Variants in ZDHHC11B observed in about 807,000 individuals in gnomAD.
The protein encoded by ZDHHC11B is probable palmitoyltransferase ZDHHC11B.
A neutral mutation model predicts 42.3 loss-of-function variants in ZDHHC11B; 17 were observed. That is an observed-to-expected ratio of 0.40 (90% CI 0.27 to 0.60). ZDHHC11B has a LOEUF of 0.60. Among genes scored for constraint, ZDHHC11B ranks in the 20% least tolerant of loss-of-function variants. ZDHHC11B has a pLI of 0.41. For missense variants in ZDHHC11B, 262 were observed against 463.2 expected, an observed-to-expected ratio of 0.57 and a Z score of 3.99; for synonymous variants, 123 against 193.5, an observed-to-expected ratio of 0.64 and a Z score of 3.02.
At chr5:726,100 C>G (rs73730926) in intron 12 of ZDHHC11B, among the ~76,000 whole-genome samples, 5,145 of 147,796 alleles carry the variant, frequency 0.035, 26 homozygotes, top group African/African-American at 0.12. Context: ...ACCAGAATAT[C>G]CCCCATCGGT....
chr5:744,725 G>C (rs1036693953), intron 9 of ZDHHC11B, among the ~76,000 whole-genome samples: 3 of 148,212 alleles, frequency 2.0e-5, no homozygotes, highest in African/African-American at 7.5e-5. Flanking sequence ...ACAAAAATTA[G>C]TGGGGCGTAG....
rs112669800 is a variant in ZDHHC11B, at chr5:762,396, C to T, written c.222+4302G>A. On this transcript the variant is annotated intron_variant, in intron 4 of 13. Coordinates refer to ENST00000508859, the MANE Select transcript of ZDHHC11B (RefSeq NM_001351303.2). Reference sequence around the variant, plus strand: ...GAGTGTATGCCACAGTCAGCACCCACGTCTCTCACTAAAGCACATCCTTGG... The same window carrying T: ...GAGTGTATGCCACAGTCAGCACCCATGTCTCTCACTAAAGCACATCCTTGG... Among the ~76,000 whole-genome samples, 740 of 151,856 alleles carry T rather than the reference C, an allele frequency of 4.9e-3. 23 individuals carry two copies. The highest frequency in any genetic ancestry group is 0.017 in the African/African-American group (697 of 41,328).
intron 12 of ZDHHC11B, among the ~76,000 whole-genome samples, chr5:719,493 A>G (rs1324810739): frequency 6.6e-6 from 1 of 151,458 alleles, no homozygotes; most frequent in African/African-American, 2.4e-5. Context: ...TTTTTTAAAA[A>G]CCAAAAAGAA....
At chr5:784,326 A>G (rs1397354905) in intron 1 of ZDHHC11B, among the ~76,000 whole-genome samples, 3 of 151,920 alleles carry the variant, frequency 2.0e-5, no homozygotes, top group African/African-American at 7.3e-5. Flanking sequence ...GTCTGGAGGG[A>G]AGGGCTGCAG....
intron 12 of ZDHHC11B, among the ~76,000 whole-genome samples, chr5:723,199 A>T (rs1229447026): frequency 6.7e-6 from 1 of 148,524 alleles, no homozygotes; most frequent in Non-Finnish European, 1.5e-5. Context: ...CAGATCAAGG[A>T]TGAATCTGTT....
In ZDHHC11B at chr5:770,141, G is replaced by T. The variant is rs1351016089; in HGVS notation, c.-229-1211C>A. On this transcript the variant is annotated intron_variant, in intron 1 of 13. Transcript: ENST00000508859. ...TGCTATGGAGGAAGGAGAGGAGAAA[G>T]GTGTCACCCGGGCCATGTCCCAGCT... Among the ~76,000 whole-genome samples, 3 of 150,910 alleles carry T rather than the reference G, an allele frequency of 2.0e-5. 1 individual carries two copies. The highest frequency in any genetic ancestry group is 4.4e-5 in the Non-Finnish European group (3 of 67,458).
chr5:737,397 A>G (rs1285180533), intron 10 of ZDHHC11B, among the ~76,000 whole-genome samples: 3 of 149,544 alleles, frequency 2.0e-5, no homozygotes, highest in Non-Finnish European at 4.4e-5. Context: ...ACTGGTACCT[A>G]TCTTATGGAA....
rs1431383078 is a variant in ZDHHC11B, at chr5:745,552, C to CG, written c.785-255_785-254insC. 1.3e-4 allele frequency among the ~76,000 whole-genome samples: 20 copies of CG among 149,974 alleles called. 1 individual carries two copies. Among genetic ancestry groups the CG allele is most frequent in the African/African-American group, 4.6e-4 (19 of 40,906 alleles). ...GGGGAACGGTGCTGACTCAGGCCCCCCCGCCTGCCAAGGCCTCATTGAGCT... is the reference window on the plus strand; with the variant it reads ...GGGGAACGGTGCTGACTCAGGCCCCCGCCGCCTGCCAAGGCCTCATTGAGCT... On this transcript the variant is annotated intron_variant, in intron 8 of 13. Transcript: ENST00000508859.
chr5:732,614 A>C lies in ZDHHC11B; in HGVS notation c.1023+1138T>G, dbSNP rs1159022332. 2 of 448,926 alleles carry C rather than the reference A, an allele frequency of 4.5e-6. 1 individual carries two copies. Among genetic ancestry groups the C allele is most frequent in the African/African-American group, 4.0e-5 (2 of 49,506 alleles). 27.8% of individuals were successfully genotyped at this position (448,926 alleles called of 1,614,324 possible). A position where few individuals can be genotyped will look rare whatever the true frequency, so the allele number is the denominator to read the frequency against. On this transcript the variant is annotated intron_variant, in intron 11 of 13. Coordinates refer to ENST00000508859, the MANE Select transcript of ZDHHC11B (RefSeq NM_001351303.2). ...GTTGGGTGATCCATTTTCATTTCCA[A>C]GTCACAGGAGCCTGTTCCCTGAAAT...
chr5:743,933 A>G lies in ZDHHC11B; in HGVS notation c.900+1250T>C, dbSNP rs557106343. 4.7e-3 allele frequency among the ~76,000 whole-genome samples: 701 copies of G among 149,574 alleles called. 12 individuals carry two copies. The highest frequency in any genetic ancestry group is 0.016 in the African/African-American group (655 of 40,498). Reference sequence around the variant, plus strand: ...GAAGTGGTGTCATCACCTGTGCCGAACCTCCAAGAGAGGGTCACCAGCCTT... The same window carrying G: ...GAAGTGGTGTCATCACCTGTGCCGAGCCTCCAAGAGAGGGTCACCAGCCTT... On this transcript the variant is annotated intron_variant, in intron 9 of 13. Coordinates refer to ENST00000508859, the MANE Select transcript of ZDHHC11B (RefSeq NM_001351303.2).
intron 1 of ZDHHC11B, among the ~76,000 whole-genome samples, chr5:772,652 C>T (rs1338236526): frequency 6.6e-6 from 1 of 151,732 alleles, no homozygotes. Context: ...AGTGAGTCCA[C>T]GGGCGCTTGG....
At chr5:765,258 C>G (rs185788533) in intron 4 of ZDHHC11B, among the ~76,000 whole-genome samples, 1 of 151,434 alleles carries the variant, frequency 6.6e-6, no homozygotes, top group African/African-American at 2.4e-5. Context: ...ATGTCTAGCT[C>G]GAGGTTTGTA....
intron 12 of ZDHHC11B, among the ~76,000 whole-genome samples, chr5:722,304 A>G (rs1020490226): frequency 5.9e-5 from 9 of 151,798 alleles, no homozygotes; most frequent in Non-Finnish European, 1.2e-4. Context: ...TAATTCACCC[A>G]ACTGACAAAA....
chr5:736,513 T>C (rs1743537028), intron 10 of ZDHHC11B, among the ~76,000 whole-genome samples: 1 of 149,520 alleles, frequency 6.7e-6, no homozygotes, highest in Non-Finnish European at 1.5e-5. Context: ...AGCTGCAGAA[T>C]GTACATTCTT....
At chr5:746,389 G>A (rs2335618) in intron 8 of ZDHHC11B, among the ~76,000 whole-genome samples, 10,998 of 142,084 alleles carry the variant, frequency 0.077, 349 homozygotes, top group African/African-American at 0.21. Context: ...TGGACATCCC[G>A]GAGTCACTGC....
At chr5:775,842 T>C (rs1403910798) in intron 1 of ZDHHC11B, among the ~76,000 whole-genome samples, 14 of 150,998 alleles carry the variant, frequency 9.3e-5, no homozygotes, top group African/African-American at 3.2e-4. Context: ...CACGCTGTGT[T>C]GCAAGCTGAC....
Position 730,414 on chromosome 5 carries a change from C to T in ZDHHC11B, c.1058+20G>A, listed in dbSNP as rs929016911. ...AGTGTACAGACAGATAAAACGTTCC[C>T]ATTAAACTTACGAACTTACCCAAGT... is the stretch of plus-strand genomic sequence containing the variant. On this transcript the variant is annotated intron_variant, in intron 12 of 13. Coordinates refer to ENST00000508859, the MANE Select transcript of ZDHHC11B (RefSeq NM_001351303.2). The T allele has an allele frequency of 1.9e-6, 3 of 1,576,566 alleles. No individual in the cohort carries two copies. Among genetic ancestry groups the T allele is most frequent in the Non-Finnish European group, 2.6e-6 (3 of 1,167,700 alleles).
chr5:746,129 C>T lies in ZDHHC11B; in HGVS notation c.785-831G>A, dbSNP rs1579321891. Reference sequence around the variant, plus strand: ...ACAAACGTTAATAAAATGGGCTCTGCACCTATTTCAGCCACGAGCTTCCAT... The same window carrying T: ...ACAAACGTTAATAAAATGGGCTCTGTACCTATTTCAGCCACGAGCTTCCAT... On this transcript the variant is annotated intron_variant, in intron 8 of 13. Coordinates refer to ENST00000508859, the MANE Select transcript of ZDHHC11B (RefSeq NM_001351303.2). Among the ~76,000 whole-genome samples the T allele has an allele frequency of 1.3e-5, 2 of 148,708 alleles. 1 individual carries two copies. The highest frequency in any genetic ancestry group is 4.2e-4 in the East Asian group (2 of 4,706).
At chr5:766,491 G>A (rs1225839752) in intron 4 of ZDHHC11B, among the ~76,000 whole-genome samples, 4 of 151,842 alleles carry the variant, frequency 2.6e-5, no homozygotes, top group Non-Finnish European at 4.4e-5. Flanking sequence ...GCCTGATGTG[G>A]GGTCAGCAGC....
Sources: allele counts gnomAD v4.1 joint callset (sites outside exome capture counted in the v4.1 genomes callset), GRCh38; gene constraint gnomAD v4.1.1; transcripts MANE v1.5; gene names NCBI Gene and HGNC (gene_info 2026-07-23, HGNC 2026-07-21).